Variants in MAPKAPK3 observed in about 807,000 individuals in gnomAD.
MAPKAPK3 encodes MAPK activated protein kinase 3, also known as MAP kinase-activated protein kinase 3.
In MAPKAPK3, 35 loss-of-function variants were observed where a neutral mutation model predicts 49.2. The observed-to-expected ratio is 0.71, with a 90% CI of 0.54 to 0.94. The LOEUF is 0.94. Among genes scored for constraint, MAPKAPK3 ranks in the 40% least tolerant of loss-of-function variants. The pLI is 0.00. For missense variants in MAPKAPK3, 398 were observed against 493.1 expected, an observed-to-expected ratio of 0.81 and a Z score of 1.83; for synonymous variants, 178 against 188.7, an observed-to-expected ratio of 0.94 and a Z score of 0.46.
At chr3:50,625,078 T>C (rs779611976) in intron 2 of MAPKAPK3, among the ~76,000 whole-genome samples, 24 of 152,170 alleles carry the variant, frequency 1.6e-4, no homozygotes, top group Non-Finnish European at 3.2e-4. Context: ...CCAAGTGACT[T>C]TGGACTAAAG....
At position 50,642,319 on chromosome 3, in the gene MAPKAPK3, A is replaced by G; in HGVS notation, c.491A>G (p.His164Arg). 1 of 1,612,524 alleles carries G rather than the reference A, an allele frequency of 6.2e-7. No homozygotes were observed. Among genetic ancestry groups the G allele is most frequent in the South Asian group, 1.1e-5 (1 of 91,048 alleles). ...TTTCTGCACAGCCATAACATTGCCCACCGAGATGTCAAGGTGAGGCTCCAG... is the reference window on the plus strand; with the variant it reads ...TTTCTGCACAGCCATAACATTGCCCGCCGAGATGTCAAGGTGAGGCTCCAG... ...IQFLHSHNIA[H>R]RDVKPENLLY... is the part of the protein sequence containing the mutation. The change falls in exon 5 of 11, where the codon CAC becomes CGC. Residue 164 changes from histidine (H) to arginine (R), a missense_variant. Physicochemically the swap from His to Arg is conservative, Grantham distance 29. Coordinates refer to ENST00000621469, the MANE Select transcript of MAPKAPK3 (RefSeq NM_001243925.2).
chr3:50,640,169 G>A (rs1237399441), intron 2 of MAPKAPK3, among the ~76,000 whole-genome samples, 197 bp from the exon 3 acceptor site: 2 of 152,190 alleles, frequency 1.3e-5, no homozygotes, highest in Non-Finnish European at 2.9e-5. Context: ...CAAGCTGCTT[G>A]AGCCCAGGAC....
chr3:50,626,646 G>A (rs1210363996), intron 2 of MAPKAPK3, among the ~76,000 whole-genome samples: 1 of 152,224 alleles, frequency 6.6e-6, no homozygotes, highest in South Asian at 2.1e-4. Context: ...GGCACAGGGG[G>A]CAGGGGGATG....
intron 2 of MAPKAPK3, among the ~76,000 whole-genome samples, chr3:50,636,491 C>A (rs745776530): frequency 6.6e-6 from 1 of 152,128 alleles, no homozygotes; most frequent in East Asian, 1.9e-4. Context: ...GTGAAAAGGG[C>A]GATGACGTGA....
intron 2 of MAPKAPK3, among the ~76,000 whole-genome samples, chr3:50,634,163 C>T (rs762526349): frequency 5.3e-5 from 8 of 152,202 alleles, no homozygotes; most frequent in South Asian, 2.1e-4. Context: ...TGTGGTCACT[C>T]GCTAAAGGAA....
chr3:50,627,108 C>A (rs1277493428), intron 2 of MAPKAPK3, among the ~76,000 whole-genome samples: 2 of 150,818 alleles, frequency 1.3e-5, no homozygotes, highest in South Asian at 2.1e-4. Context: ...CACTTGAACC[C>A]GGGAAATGGA....
intron 2 of MAPKAPK3, among the ~76,000 whole-genome samples, chr3:50,620,961 T>A (rs911712840): frequency 2.6e-5 from 4 of 152,178 alleles, no homozygotes; most frequent in African/African-American, 9.7e-5. Context: ...TTGTCACACA[T>A]CAGTTACCCC....
At chr3:50,646,655 C>T in intron 8 of MAPKAPK3, 85 bp from the exon 9 acceptor site, 1 of 1,238,174 alleles carries the variant, frequency 8.1e-7, no homozygotes, top group South Asian at 1.2e-5. Flanking sequence ...AGCCCCTGCC[C>T]CAGCAGAGCT....
At chr3:50,616,236 G>A (rs1432908940), upstream of MAPKAPK3, among the ~76,000 whole-genome samples, 3 of 152,094 alleles carry the variant, frequency 2.0e-5, no homozygotes, top group Non-Finnish European at 4.4e-5. Flanking sequence ...AAGTAGTTCA[G>A]ATCTGTCCCA....
chr3:50,615,360 A>G (rs916266851), upstream of MAPKAPK3, among the ~76,000 whole-genome samples: 1 of 152,210 alleles, frequency 6.6e-6, no homozygotes, highest in Non-Finnish European at 1.5e-5. Flanking sequence ...TGTGTGTTAT[A>G]TGCATGTGTG....
intron 1 of MAPKAPK3, 93 bp downstream of exon 1, chr3:50,617,334 C>T: frequency 2.4e-6 from 1 of 425,130 alleles, no homozygotes; most frequent in Non-Finnish European, 4.2e-6. Context: ...CGTGCCCGGG[C>T]GGTGCTCGCT....
chr3:50,630,376 G>A (rs1178261248), intron 2 of MAPKAPK3, among the ~76,000 whole-genome samples: 2 of 152,222 alleles, frequency 1.3e-5, no homozygotes. Flanking sequence ...TCTGTACATG[G>A]GCAGGCCTGT....
At chr3:50,638,560 G>A (rs974902674) in intron 2 of MAPKAPK3, among the ~76,000 whole-genome samples, 1 of 152,204 alleles carries the variant, frequency 6.6e-6, no homozygotes, top group Admixed American at 6.5e-5. Context: ...GGGGCACAGA[G>A]CTGCTAGAGG....
intron 2 of MAPKAPK3, among the ~76,000 whole-genome samples, chr3:50,620,161 C>T (rs897754708): frequency 6.6e-6 from 1 of 152,214 alleles, no homozygotes; most frequent in African/African-American, 2.4e-5. Context: ...TGAGTGGTAG[C>T]TGTGGCCACG....
upstream of MAPKAPK3, chr3:50,612,892 G>C (rs1017870098): frequency 6.6e-6 from 1 of 152,146 alleles, no homozygotes; most frequent in Non-Finnish European, 1.5e-5. Flanking sequence ...TGTTGCTCCC[G>C]TTATGCGGAC....
At position 50,648,191 on chromosome 3, in the gene MAPKAPK3, A is replaced by T. The variant is rs2033351002; in HGVS notation, c.*145A>T. 1.1e-6 allele frequency: 1 copy of T among 874,154 alleles called. No homozygotes were observed. Among genetic ancestry groups the T allele is most frequent in the Non-Finnish European group, 1.7e-6 (1 of 580,228 alleles). The allele number at this position is 874,154 out of a possible 1,614,324, so 54.1% of individuals were successfully genotyped here. On this transcript the variant is annotated 3_prime_UTR_variant, in exon 11 of 11. Coordinates refer to ENST00000621469, the MANE Select transcript of MAPKAPK3 (RefSeq NM_001243925.2). ...TTAATTTGTCACTCGGAACTTCAGG[A>T]TGGAGGACCCTGACCCTAAACCTCC... is the stretch of plus-strand genomic sequence containing the variant.
intron 1 of MAPKAPK3, 59 bp downstream of exon 1, chr3:50,617,300 G>C: frequency 5.5e-6 from 2 of 365,442 alleles, no homozygotes; most frequent in Non-Finnish European, 9.9e-6. Flanking sequence ...GCCATTAGGC[G>C]CCCGGCCCCT....
chr3:50,644,311 A>T lies in MAPKAPK3; in HGVS notation c.505-98A>T. The T allele has an allele frequency of 2.8e-6, 4 of 1,428,224 alleles. No homozygotes were observed. The South Asian group carries it at 3.8e-5, about 14-fold the overall frequency. 88.5% of individuals were successfully genotyped at this position (1,428,224 alleles called of 1,614,324 possible). A position where few individuals can be genotyped will look rare whatever the true frequency, so the allele number is the denominator to read the frequency against. ...TATAAATGGACCTGGCTCCTTCTGC[A>T]CTGGGATGGAGTCGGGGAGTCTGGC... On this transcript the variant is annotated intron_variant, in intron 5 of 10. Transcript: ENST00000621469.
rs114218866 is a variant in MAPKAPK3, at chr3:50,624,493, G to A, written c.219+6709G>A. The stretch of plus-strand genomic sequence containing the variant: ...CAGAGGAATCTGTGGAGGAAGAGGC[G>A]TTTGTGTAGGGCCTTGAAGGGTAGA... On this transcript the variant is annotated intron_variant, in intron 2 of 10. Transcript: ENST00000621469. 5.4e-3 allele frequency among the ~76,000 whole-genome samples: 820 copies of A among 152,262 alleles called. 2 individuals are homozygous for A. The highest frequency in any genetic ancestry group is 0.018 in the African/African-American group (768 of 41,552).
Sources: gnomAD v4.1 joint callset for allele counts (sites outside exome capture counted in the v4.1 genomes callset) on GRCh38, gnomAD v4.1.1 for gene constraint, MANE v1.5 for transcripts, NCBI Gene and HGNC (gene_info 2026-07-23, HGNC 2026-07-21) for gene names.